EPHA6: variants seen among roughly 807,000 people sequenced by gnomAD.
EPHA6 encodes the protein EPH receptor A6.
In EPHA6, 50 loss-of-function variants were observed where a neutral mutation model predicts 112.0. The ratio of observed to expected loss-of-function variants is 0.45; its 90% confidence interval spans 0.36 to 0.56. EPHA6 has a LOEUF of 0.56. Ranked by LOEUF, EPHA6 falls within the 20% of genes least tolerant of loss-of-function variation. The pLI is 0.00. For missense variants in EPHA6, 1,280 were observed against 1,417.4 expected (o/e 0.90, Z 1.56); for synonymous variants, 529 against 490.7 (o/e 1.08, Z -1.03).
At chr3:97,468,857 G>A (rs950240417) in intron 7 of EPHA6, among the ~76,000 whole-genome samples, 2 of 151,544 alleles carry the variant, frequency 1.3e-5, no homozygotes, top group Admixed American at 6.6e-5. Context: ...CTAATCCCTT[G>A]TTATATAGAA....
intron 5 of EPHA6, among the ~76,000 whole-genome samples, chr3:97,339,459 C>T (rs1333306120): frequency 6.6e-6 from 1 of 152,102 alleles, no homozygotes; most frequent in Non-Finnish European, 1.5e-5. Context: ...ACTATCTGAG[C>T]ATTCCTTCCA....
intron 8 of EPHA6, 27 bp downstream of exon 8, chr3:97,475,487 C>T (rs769991915): frequency 9.4e-6 from 14 of 1,489,282 alleles, no homozygotes; most frequent in Admixed American, 3.6e-5. Flanking sequence ...ATACTATTTC[C>T]GAGATTTATG....
At chr3:97,383,325 C>A (rs2085860375) in intron 5 of EPHA6, among the ~76,000 whole-genome samples, 1 of 152,010 alleles carries the variant, frequency 6.6e-6, no homozygotes, top group South Asian at 2.1e-4. Flanking sequence ...ATATACTGAA[C>A]ATATCCGGAA....
At chr3:97,228,577 G>GTT (rs1041961009) in intron 4 of EPHA6, among the ~76,000 whole-genome samples, 18 of 144,386 alleles carry the variant, frequency 1.2e-4, no homozygotes, top group East Asian at 1.2e-3. Context: ...TCATATAAAT[G>GTT]TTATATATAT....
intron 5 of EPHA6, among the ~76,000 whole-genome samples, chr3:97,323,639 A>G (rs978894844): frequency 6.0e-4 from 90 of 150,348 alleles, no homozygotes; most frequent in Non-Finnish European, 2.4e-4. Context: ...AAATCTAACT[A>G]TTTAATTCTA....
At chr3:97,099,897 T>G (rs1187445205) in intron 3 of EPHA6, among the ~76,000 whole-genome samples, 2 of 151,992 alleles carry the variant, frequency 1.3e-5, no homozygotes, top group Non-Finnish European at 2.9e-5. Context: ...CTAATGAGAC[T>G]TTCTGAGTTT....
chr3:97,375,911 C>T (rs996614713), intron 5 of EPHA6, among the ~76,000 whole-genome samples: 3 of 152,046 alleles, frequency 2.0e-5, no homozygotes, highest in Non-Finnish European at 4.4e-5. Context: ...TGTATGGGGA[C>T]AGTGGTGGAG....
rs554596894 is a variant in EPHA6 at position 97,665,196 on chromosome 3, C to T, written c.2784+27114C>T. 1.9e-4 allele frequency among the ~76,000 whole-genome samples: 29 copies of T among 152,214 alleles called. No individual in the cohort carries two copies. The South Asian group carries it at 5.6e-3, about 29-fold the overall frequency. ...TACAACTATCTGATCTTTGACAAAC[C>T]TGACAAAAACAAGAAATGGGGAAAG... is the stretch of plus-strand genomic sequence containing the variant. On this transcript the variant is annotated intron_variant, in intron 14 of 17. Transcript: ENST00000389672.
In EPHA6 at chr3:97,079,997, A is replaced by G. The variant is rs2046671122; in HGVS notation, c.1114+92004A>G. ...TAATAGAATGCACTGTAGTGTAAAC[A>G]TAACGTTAATATGCACTTGGAAACC... On this transcript the variant is annotated intron_variant, in intron 3 of 17. Coordinates refer to ENST00000389672, the MANE Select transcript of EPHA6 (RefSeq NM_001080448.3). Among the ~76,000 whole-genome samples the G allele has an allele frequency of 2.0e-5, 3 of 152,140 alleles. No homozygotes were observed. In the South Asian group the frequency reaches 6.2e-4, roughly 32 times the overall value.
At chr3:97,065,187 A>G (rs2046139802) in intron 3 of EPHA6, among the ~76,000 whole-genome samples, 1 of 152,272 alleles carries the variant, frequency 6.6e-6, no homozygotes, top group South Asian at 2.1e-4. Context: ...TAAAGCTATA[A>G]AATTATTCTA....
chr3:96,844,233 A>C (rs1397372146), intron 1 of EPHA6, among the ~76,000 whole-genome samples: 1 of 151,982 alleles, frequency 6.6e-6, no homozygotes, highest in African/African-American at 2.4e-5. Context: ...TGATTTCCTC[A>C]AACTATGTGT....
At chr3:96,915,361 A>T (rs2107613656) in intron 2 of EPHA6, among the ~76,000 whole-genome samples, 1 of 152,252 alleles carries the variant, frequency 6.6e-6, no homozygotes, top group Admixed American at 6.5e-5. Context: ...TACCTAAAGT[A>T]AACCATTGTT....
In EPHA6 at chr3:97,068,165, GAA is replaced by G. The variant is rs75312712; in HGVS notation, c.1114+80187_1114+80188del. Among the ~76,000 whole-genome samples, 70 of 69,634 alleles carry G rather than the reference GAA, an allele frequency of 1.0e-3. 1 individual carries two copies. Among genetic ancestry groups the G allele is most frequent in the South Asian group, 9.6e-3 (24 of 2,508 alleles). The allele number at this position is 69,634 out of a possible 152,430, so 45.7% of individuals were successfully genotyped here. A position where few individuals can be genotyped will look rare whatever the true frequency, so the allele number is the denominator to read the frequency against. On this transcript the variant is annotated intron_variant, in intron 3 of 17. Transcript: ENST00000389672. ...GCAAGACTCCATCTCAAAAAAAAAA[GAA>G]AAAAAAAAAAAAAAGAGTCAGGGAT...
At chr3:97,439,855 T>C (rs2090042578) in intron 6 of EPHA6, among the ~76,000 whole-genome samples, 1 of 152,178 alleles carries the variant, frequency 6.6e-6, no homozygotes, top group South Asian at 2.1e-4. Context: ...CTGAAAGGTA[T>C]CCTAATGTGT....
chr3:97,135,580 T>C (rs2075747207), intron 3 of EPHA6, among the ~76,000 whole-genome samples: 1 of 152,002 alleles, frequency 6.6e-6, no homozygotes, highest in Non-Finnish European at 1.5e-5. Context: ...ACTCTCAAAC[T>C]TTAAAGTGTA....
chr3:97,280,037 C>A (rs1288034420), intron 5 of EPHA6, among the ~76,000 whole-genome samples: 7 of 152,184 alleles, frequency 4.6e-5, no homozygotes, highest in African/African-American at 1.7e-4. Context: ...AGGCACCTGC[C>A]ACCAGTCTCA....
intron 11 of EPHA6, among the ~76,000 whole-genome samples, chr3:97,566,050 T>A (rs1488803370): frequency 1.3e-5 from 2 of 150,586 alleles, no homozygotes; most frequent in East Asian, 3.9e-4. Flanking sequence ...AGAGATTTAA[T>A]TGGCTCACAG....
At chr3:97,168,188 A>AT (rs936759074) in intron 3 of EPHA6, among the ~76,000 whole-genome samples, 1 of 152,078 alleles carries the variant, frequency 6.6e-6, no homozygotes, top group African/African-American at 2.4e-5. Context: ...AAAATAATTA[A>AT]TTTTTTTACT....
intron 3 of EPHA6, among the ~76,000 whole-genome samples, chr3:97,114,830 A>G (rs1159226018): frequency 6.6e-6 from 1 of 152,116 alleles, no homozygotes; most frequent in Admixed American, 6.6e-5. Flanking sequence ...AGTGTAATCA[A>G]TGATAATTAT....
Sources: allele counts gnomAD v4.1 joint callset (sites outside exome capture counted in the v4.1 genomes callset), GRCh38; gene constraint gnomAD v4.1.1; transcripts MANE v1.5; gene names NCBI Gene and HGNC (gene_info 2026-07-23, HGNC 2026-07-21).